PPP2R2B: variants seen among roughly 807,000 people sequenced by gnomAD.
PPP2R2B encodes serine/threonine-protein phosphatase 2A 55 kDa regulatory subunit B beta isoform.
Under a neutral mutation model 46.0 loss-of-function variants are expected in PPP2R2B, and 5 were observed. The observed-to-expected ratio is 0.11, with a 90% CI of 0.06 to 0.23. The LOEUF (loss-of-function observed/expected upper bound fraction) is 0.23. Ranked by LOEUF, PPP2R2B falls within the 10% of genes least tolerant of loss-of-function variation. The pLI is 1.00. For synonymous variants in PPP2R2B, 215 were observed against 206.7 expected (o/e 1.04, Z -0.34); for missense variants, 367 against 575.0 (o/e 0.64, Z 3.70).
chr5:147,041,593 T>C (rs1437793171), intron 1 of PPP2R2B, among the ~76,000 whole-genome samples: 1 of 132,918 alleles, frequency 7.5e-6, no homozygotes, highest in Admixed American at 7.6e-5. Context: ...GGACAAAGTT[T>C]CTTGAAGTAT....
chr5:146,708,395 A>ATG (rs1561848485), intron 2 of PPP2R2B, among the ~76,000 whole-genome samples: 1 of 128,196 alleles, frequency 7.8e-6, no homozygotes, highest in South Asian at 2.7e-4. Context: ...ATATCTATGT[A>ATG]TGTGTGTGTG....
At chr5:146,633,363 G>A (rs987216785) in intron 7 of PPP2R2B, among the ~76,000 whole-genome samples, 2 of 152,178 alleles carry the variant, frequency 1.3e-5, no homozygotes, top group African/African-American at 2.4e-5. Context: ...TCTCAATTCC[G>A]ATCACACACC....
At chr5:146,668,026 A>T (rs1777115067) in intron 5 of PPP2R2B, among the ~76,000 whole-genome samples, 1 of 152,138 alleles carries the variant, frequency 6.6e-6, no homozygotes, top group African/African-American at 2.4e-5. Context: ...TTTTCCTAGG[A>T]TATTCCTTTG....
At chr5:146,871,890 G>A (rs551454677) in intron 2 of PPP2R2B, among the ~76,000 whole-genome samples, 1 of 152,248 alleles carries the variant, frequency 6.6e-6, no homozygotes, top group Non-Finnish European at 1.5e-5. Context: ...TTAAAAATGA[G>A]GTTAATGCAA....
At chr5:146,723,113 C>T (rs778447228) in intron 2 of PPP2R2B, among the ~76,000 whole-genome samples, 3 of 152,132 alleles carry the variant, frequency 2.0e-5, no homozygotes, top group Admixed American at 1.3e-4. Context: ...TTTATTACAC[C>T]GTAAGGTAAC....
chr5:147,062,947 A>G (rs1055228421), intron 2 of PPP2R2B, among the ~76,000 whole-genome samples: 2 of 119,732 alleles, frequency 1.7e-5, no homozygotes, highest in Admixed American at 1.9e-4. Flanking sequence ...GTATGGGCAT[A>G]GAATGTAAAA....
chr5:146,695,047 A>G (rs1263513481), intron 4 of PPP2R2B, among the ~76,000 whole-genome samples: 1 of 152,110 alleles, frequency 6.6e-6, no homozygotes, highest in African/African-American at 2.4e-5. Context: ...CTAAAGAAGA[A>G]TCATACAAGG....
chr5:146,812,789 G>GTA (rs1223828568), intron 2 of PPP2R2B, among the ~76,000 whole-genome samples: 562 of 6,404 alleles, frequency 0.088, 83 homozygotes, highest in East Asian at 0.16. Context: ...GTGTGTATAT[G>GTA]TGTGTATATA....
intron 2 of PPP2R2B, among the ~76,000 whole-genome samples, chr5:146,806,471 TAAAAAAAAG>T (rs1757184855): frequency 6.6e-6 from 1 of 151,700 alleles, no homozygotes. Flanking sequence ...GCTTGTAATA[TAAAAAAAAG>T]AAAAAAAAGA....
chr5:146,789,666 G>A (rs1278925403), intron 2 of PPP2R2B, among the ~76,000 whole-genome samples: 1 of 151,992 alleles, frequency 6.6e-6, no homozygotes, highest in Non-Finnish European at 1.5e-5. Context: ...CTAAGAAATA[G>A]GACTGTATCA....
intron 1 of PPP2R2B, among the ~76,000 whole-genome samples, chr5:146,910,289 C>T (rs144470213): frequency 0.014 from 2,180 of 152,298 alleles, 30 homozygotes; most frequent in Middle Eastern, 0.037. Context: ...GGCTATACAG[C>T]TATGGATGCA....
intron 2 of PPP2R2B, among the ~76,000 whole-genome samples, chr5:146,828,175 A>G (rs145826912): frequency 6.6e-6 from 1 of 152,140 alleles, no homozygotes; most frequent in East Asian, 1.9e-4. Flanking sequence ...CATAATGCAC[A>G]TTCTCTAGTT....
chr5:146,873,119 A>G (rs1426061425), intron 2 of PPP2R2B, among the ~76,000 whole-genome samples: 1 of 152,212 alleles, frequency 6.6e-6, no homozygotes, highest in Non-Finnish European at 1.5e-5. Flanking sequence ...TTCCGCTTTT[A>G]GTGATGCGCC....
At chr5:146,615,934 C>T (rs1401141778) in intron 7 of PPP2R2B, among the ~76,000 whole-genome samples, 5 of 152,076 alleles carry the variant, frequency 3.3e-5, no homozygotes, top group Admixed American at 6.6e-5. Context: ...ATAGCCAAGG[C>T]TATCTTAAGC....
intron 9 of PPP2R2B, 82 bp downstream of exon 9, chr5:146,592,889 G>A (rs1770799852): frequency 1.5e-6 from 2 of 1,378,248 alleles, no homozygotes; most frequent in South Asian, 2.4e-5. Flanking sequence ...CCTCCCTTTG[G>A]CTGTACTCTA....
intron 2 of PPP2R2B, among the ~76,000 whole-genome samples, chr5:146,820,864 C>T (rs563164665): frequency 3.3e-5 from 5 of 152,286 alleles, no homozygotes; most frequent in African/African-American, 9.6e-5. Flanking sequence ...CTCAGCTGCA[C>T]CATTGACCTA....
intron 2 of PPP2R2B, among the ~76,000 whole-genome samples, chr5:146,703,237 T>C (rs1432875714): frequency 6.6e-6 from 1 of 152,206 alleles, no homozygotes; most frequent in Non-Finnish European, 1.5e-5. Flanking sequence ...GCATGTCTAT[T>C]GCTTTTCACT....
chr5:146,801,961 C>T (rs1013457600), intron 2 of PPP2R2B, among the ~76,000 whole-genome samples: 2 of 152,186 alleles, frequency 1.3e-5, no homozygotes, highest in Admixed American at 1.3e-4. Flanking sequence ...ATGTGTCTGT[C>T]ATTCAAATCA....
chr5:146,882,803 A>AG (rs1254734374), upstream of PPP2R2B, among the ~76,000 whole-genome samples: 1 of 152,240 alleles, frequency 6.6e-6, no homozygotes, highest in African/African-American at 2.4e-5. Flanking sequence ...TAGTCTTCAA[A>AG]GGGGGCAGCA....
Sources: gnomAD v4.1 joint callset for allele counts (sites outside exome capture counted in the v4.1 genomes callset) on GRCh38, gnomAD v4.1.1 for gene constraint, MANE v1.5 for transcripts, NCBI Gene and HGNC (gene_info 2026-07-23, HGNC 2026-07-21) for gene names.